RBPJ: variants seen among roughly 807,000 people sequenced by gnomAD.
RBPJ encodes recombining binding protein suppressor of hairless.
A neutral mutation model predicts 67.8 loss-of-function variants in RBPJ; 9 were observed. The ratio of observed to expected loss-of-function variants is 0.13; its 90% CI spans 0.08 to 0.23. The LOEUF is 0.23. Among genes scored for constraint, RBPJ ranks in the 10% least tolerant of loss-of-function variants. RBPJ has a pLI of 1.00. For synonymous variants in RBPJ, 198 were observed against 203.3 expected, an observed-to-expected ratio of 0.97 and a Z score of 0.22; for missense variants, 305 against 595.6, an observed-to-expected ratio of 0.51 and a Z score of 5.08.
chr4:26,327,666 G>C (rs565362319), intron 1 of RBPJ, among the ~76,000 whole-genome samples: 124 of 146,128 alleles, frequency 8.5e-4, no homozygotes, highest in African/African-American at 2.9e-3. Flanking sequence ...CTCATAAAAA[G>C]TTTACATAAC....
At chr4:26,404,847 T>G (rs1577626564) in intron 2 of RBPJ, among the ~76,000 whole-genome samples, 1 of 152,208 alleles carries the variant, frequency 6.6e-6, no homozygotes. Flanking sequence ...TGTGTCTACT[T>G]CTCGCTCAGA....
At chr4:26,186,625 G>C (rs548966877) in intron 1 of RBPJ, among the ~76,000 whole-genome samples, 2 of 152,236 alleles carry the variant, frequency 1.3e-5, no homozygotes, top group East Asian at 1.9e-4. Context: ...ACAGGCCAAG[G>C]CTTGGCCATT....
At chr4:26,155,926 C>T in the RBPJ span, among the ~76,000 whole-genome samples, 1 of 152,114 alleles carries the variant, frequency 6.6e-6, no homozygotes, top group Non-Finnish European at 1.5e-5. Flanking sequence ...GTGTTCCTTT[C>T]CCATTTTATC....
At chr4:26,149,062 C>G in the RBPJ span, among the ~76,000 whole-genome samples, 1 of 152,226 alleles carries the variant, frequency 6.6e-6, no homozygotes, top group African/African-American at 2.4e-5. Context: ...ATTTCCCTCA[C>G]TGGCCCTGCC....
Position 26,348,254 on chromosome 4 carries a change from G to A in RBPJ, c.20+27206G>A, listed in dbSNP as rs147114426. Among the ~76,000 whole-genome samples, 25 of 152,186 alleles carry A rather than the reference G, an allele frequency of 1.6e-4. 1 individual carries two copies. The highest frequency in any genetic ancestry group is 5.3e-4 in the African/African-American group (22 of 41,520). On this transcript the variant is annotated intron_variant, in intron 1 of 10. Transcript: ENST00000355476. ...GGGATTACAGGCCTGAGCCATCATC[G>A]TGCCCGGCCTGCTGTTTCATTTTAA...
intron 1 of RBPJ, among the ~76,000 whole-genome samples, chr4:26,202,945 G>A (rs1252878419): frequency 5.1e-5 from 7 of 138,218 alleles, no homozygotes. Context: ...AAGAGAGAAA[G>A]GAAGGAAGAA....
chr4:26,332,081 G>A (rs1724325220), intron 1 of RBPJ, among the ~76,000 whole-genome samples: 1 of 152,152 alleles, frequency 6.6e-6, no homozygotes, highest in African/African-American at 2.4e-5. Context: ...ACATGTCAAG[G>A]AAGTGAATTA....
chr4:26,368,519 G>T (rs1728844178), intron 1 of RBPJ, among the ~76,000 whole-genome samples: 1 of 152,090 alleles, frequency 6.6e-6, no homozygotes, highest in Admixed American at 6.6e-5. Context: ...TCAAAGCTTT[G>T]TGTCTTTCCT....
intron 1 of RBPJ, among the ~76,000 whole-genome samples, chr4:26,382,867 A>AT (rs755424141): frequency 6.6e-6 from 1 of 152,146 alleles, no homozygotes; most frequent in Non-Finnish European, 1.5e-5. Flanking sequence ...AACCTGCCTC[A>AT]TTCCTTTTGA....
At chr4:26,152,880 A>G in the RBPJ span, among the ~76,000 whole-genome samples, 1 of 152,242 alleles carries the variant, frequency 6.6e-6, no homozygotes, top group African/African-American at 2.4e-5. Flanking sequence ...TTTATGACCA[A>G]TCATCTAATG....
intron 1 of RBPJ, among the ~76,000 whole-genome samples, chr4:26,261,889 C>T (rs1720551311): frequency 6.6e-6 from 1 of 152,168 alleles, no homozygotes; most frequent in Non-Finnish European, 1.5e-5. Flanking sequence ...TTTTAAATGA[C>T]TGTTTAATCT....
At chr4:26,306,005 C>T (rs1468165853) in intron 1 of RBPJ, among the ~76,000 whole-genome samples, 4 of 130,082 alleles carry the variant, frequency 3.1e-5, no homozygotes, top group Non-Finnish European at 6.4e-5. Context: ...AGGCTGGTCT[C>T]GAACTCCTGA....
the RBPJ span, among the ~76,000 whole-genome samples, chr4:26,116,051 C>A: frequency 6.6e-6 from 1 of 152,152 alleles, no homozygotes; most frequent in Non-Finnish European, 1.5e-5. Flanking sequence ...GCATTTAGTT[C>A]AAGATTCCAA....
intron 1 of RBPJ, among the ~76,000 whole-genome samples, chr4:26,231,566 C>T (rs1719287200): frequency 6.6e-6 from 1 of 152,054 alleles, no homozygotes; most frequent in African/African-American, 2.4e-5. Flanking sequence ...CACCCGCCAC[C>T]ATGCCCAGCT....
chr4:26,106,468 A>T, the RBPJ span, among the ~76,000 whole-genome samples: 1 of 152,326 alleles, frequency 6.6e-6, no homozygotes, highest in South Asian at 2.1e-4. Flanking sequence ...TGAAGCTGCC[A>T]AATAGCAGGG....
rs1736183296 is a variant in RBPJ, at chr4:26,431,146, C to G, written c.*139C>G. Reference sequence around the variant, plus strand: ...TGATACTATTCAAAAACCCCGTTGTCTCCCTGCAAGTGCTGATTTGAAATG... The same window carrying G: ...TGATACTATTCAAAAACCCCGTTGTGTCCCTGCAAGTGCTGATTTGAAATG... On this transcript the variant is annotated 3_prime_UTR_variant, in exon 11 of 11. Transcript: ENST00000355476. 2.8e-6 allele frequency: 1 copy of G among 361,816 alleles called. No individual in the cohort carries two copies. The highest frequency in any genetic ancestry group is 5.0e-6 in the Non-Finnish European group (1 of 199,866). The allele number at this position is 361,816 out of a possible 1,614,324, so 22.4% of individuals were successfully genotyped here.
intron 1 of RBPJ, among the ~76,000 whole-genome samples, chr4:26,349,529 T>G (rs1197932411): frequency 6.6e-6 from 1 of 152,254 alleles, no homozygotes. Flanking sequence ...GTGATTTTCT[T>G]AGCTGAAAAG....
chr4:26,180,761 T>A (rs1716956356), intron 1 of RBPJ, among the ~76,000 whole-genome samples: 1 of 152,150 alleles, frequency 6.6e-6, no homozygotes, highest in Admixed American at 6.5e-5. Context: ...TAAAATATAG[T>A]ATGCCCTACC....
chr4:26,200,604 A>G (rs999047865), intron 1 of RBPJ, among the ~76,000 whole-genome samples: 2 of 151,798 alleles, frequency 1.3e-5, no homozygotes, highest in African/African-American at 4.8e-5. Context: ...CCATGAGGTT[A>G]TGGCTGCAGT....
Sources: allele counts gnomAD v4.1 joint callset (sites outside exome capture counted in the v4.1 genomes callset), GRCh38; gene constraint gnomAD v4.1.1; transcripts MANE v1.5; gene names NCBI Gene and HGNC (gene_info 2026-07-23, HGNC 2026-07-21).